CFAP46: variants seen among roughly 807,000 people sequenced by gnomAD.
CFAP46 encodes the protein cilia- and flagella-associated protein 46.
Under a neutral mutation model 325.7 loss-of-function variants are expected in CFAP46, and 245 were observed. That is an observed-to-expected ratio of 0.75 (90% CI 0.68 to 0.84). The LOEUF (loss-of-function observed/expected upper bound fraction) is 0.84, where lower values mean the gene tolerates loss of function less well. CFAP46 is among the 40% of genes least tolerant of loss of function. The pLI, the probability that CFAP46 is intolerant of heterozygous loss-of-function variation, is 0.00. For synonymous variants in CFAP46, 1,523 were observed against 1,495.9 expected, an observed-to-expected ratio of 1.02 and a Z score of -0.42; for missense variants, 3,346 against 3,543.0, an observed-to-expected ratio of 0.94 and a Z score of 1.41.
rs1269644817 is a variant in CFAP46, at chr10:132,832,274, G to C, written c.7117+1084C>G. On this transcript the variant is annotated intron_variant, in intron 50 of 57. Coordinates refer to ENST00000368586, the MANE Select transcript of CFAP46 (RefSeq NM_001200049.3). This position sits in a 1 kb window ranked among gnomAD's most constrained non-coding sequence, Gnocchi z 4.1. ...TGAGGGCTCTGCAGATCTCGGAGTG[G>C]CCGTTCCTTGCAGCTCTCTCCTTCC... Among the ~76,000 whole-genome samples the C allele has an allele frequency of 6.6e-6, 1 of 152,004 alleles. No individual in the cohort carries two copies. The highest frequency in any genetic ancestry group is 1.5e-5 in the Non-Finnish European group (1 of 68,000).
chr10:132,863,726 C>A (rs1296734087), intron 35 of CFAP46, among the ~76,000 whole-genome samples: 2 of 150,506 alleles, frequency 1.3e-5, no homozygotes, highest in East Asian at 3.9e-4. Context: ...CCTGCACTCA[C>A]CTGTCCCCCT....
intron 17 of CFAP46, among the ~76,000 whole-genome samples, 172 bp downstream of exon 17, chr10:132,916,376 AT>A (rs1442641845): frequency 6.6e-6 from 1 of 152,048 alleles, no homozygotes; most frequent in Non-Finnish European, 1.5e-5. Flanking sequence ...ACGTCACCCC[AT>A]TTTCTCTTTC....
intron 13 of CFAP46, among the ~76,000 whole-genome samples, chr10:132,920,984 A>G (rs1487128539): frequency 6.6e-6 from 1 of 152,198 alleles, no homozygotes; most frequent in Non-Finnish European, 1.5e-5. Context: ...ATTAGGGCAA[A>G]ATGAAAGCAC....
chr10:132,937,430 G>A (rs1244741620), intron 6 of CFAP46, 122 bp downstream of exon 6: 1 of 1,116,868 alleles, frequency 9.0e-7, no homozygotes, highest in South Asian at 1.4e-5. Context: ...TTTTGTTCAT[G>A]TATGTATGCA....
chr10:132,879,731 G>T, intron 28 of CFAP46, 100 bp from the exon 29 acceptor site: 2 of 1,226,260 alleles, frequency 1.6e-6, no homozygotes, highest in Non-Finnish European at 2.2e-6. Flanking sequence ...GGACTGCCCG[G>T]TGCCTCGCGG....
chr10:132,867,611 C>A, intron 33 of CFAP46, 104 bp from the exon 34 acceptor site: 2 of 1,373,098 alleles, frequency 1.5e-6, no homozygotes, highest in South Asian at 1.4e-5. Context: ...CAATTACATT[C>A]TTCACGCGCG....
intron 17 of CFAP46, among the ~76,000 whole-genome samples, chr10:132,914,121 A>AGCT (rs1591088232): frequency 2.8e-5 from 1 of 36,312 alleles, no homozygotes; most frequent in Non-Finnish European, 5.0e-5. Flanking sequence ...GCCACACTGC[A>AGCT]CCCCGCCCCG....
Position 132,922,194 on chromosome 10 carries a change from T to C in CFAP46, c.1516A>G (p.Arg506Gly), listed in dbSNP as rs1849734537. 6.4e-7 allele frequency: 1 copy of C among 1,550,522 alleles called. No homozygotes were observed. The highest frequency in any genetic ancestry group is 8.7e-7 in the Non-Finnish European group (1 of 1,146,922). Residue 506 changes from arginine (R) to glycine (G), a missense_variant, in exon 13 of 58, where the codon AGG becomes GGG. Transcript: ENST00000368586. ...TTCACCAGGAGGGCCCGCTTCTTCCTGACGCTGTCCTTTGGTGTAGCTTTT... is the reference window on the plus strand; with the variant it reads ...TTCACCAGGAGGGCCCGCTTCTTCCCGACGCTGTCCTTTGGTGTAGCTTTT... ...AKKATPKDSV[R>G]KKRALLVNAG...
intron 35 of CFAP46, among the ~76,000 whole-genome samples, chr10:132,865,424 G>A (rs1345610950): frequency 6.6e-6 from 1 of 150,726 alleles, no homozygotes; most frequent in Non-Finnish European, 1.5e-5. Flanking sequence ...GCTGTCAGCT[G>A]GGCTTGGCTG....
chr10:132,857,011 C>T lies in CFAP46; in HGVS notation c.5574+579G>A, dbSNP rs560106467. On this transcript the variant is annotated intron_variant, in intron 39 of 57. Transcript: ENST00000368586. Reference sequence around the variant, plus strand: ...GGGGCTCACCCAGGCCTAATGACCCCCGACTGAGGCAAGGCCCTGTGTCTG... The same window carrying T: ...GGGGCTCACCCAGGCCTAATGACCCTCGACTGAGGCAAGGCCCTGTGTCTG... Among the ~76,000 whole-genome samples the T allele has an allele frequency of 1.1e-4, 16 of 152,344 alleles. No individual in the cohort carries two copies. In the South Asian group the frequency reaches 3.3e-3, roughly 32 times the overall value.
chr10:132,846,987 TCCA>T lies in CFAP46; in HGVS notation c.6209_6211del (p.Val2070del). On this transcript the variant is annotated inframe_deletion, in exon 43 of 58. Coordinates refer to ENST00000368586, the MANE Select transcript of CFAP46 (RefSeq NM_001200049.3). ...TGCAGGGTCCAGGGTGCCGACACACTCCACCATCTCCAGGCTGGCGGCTGCTGC... is the reference window on the plus strand; with the variant it reads ...TGCAGGGTCCAGGGTGCCGACACACTCCATCTCCAGGCTGGCGGCTGCTGC... 6.2e-7 allele frequency: 1 copy of T among 1,610,942 alleles called. No individual in the cohort carries two copies. The highest frequency in any genetic ancestry group is 1.1e-5 in the South Asian group (1 of 90,896).
At chr10:132,907,975 C>T (rs190490105) in intron 22 of CFAP46, among the ~76,000 whole-genome samples, 74 of 152,372 alleles carry the variant, frequency 4.9e-4, no homozygotes, top group African/African-American at 1.5e-3. Flanking sequence ...GGGAGCCCCC[C>T]GGTCTGTGGC....
intron 26 of CFAP46, 125 bp from the exon 27 acceptor site, chr10:132,885,411 G>A (rs1467002050): frequency 1.0e-6 from 1 of 987,548 alleles, no homozygotes; most frequent in Non-Finnish European, 1.5e-6. Context: ...CAGAGCCCAG[G>A]TGAGCGGGGG....
chr10:132,934,628 A>G (rs1025919507), intron 8 of CFAP46, 124 bp downstream of exon 8: 2 of 661,968 alleles, frequency 3.0e-6, no homozygotes, highest in East Asian at 2.6e-5. Context: ...AAACCTCCAC[A>G]ATGGCTGGCT....
rs1849138957 is a variant in CFAP46 at position 132,886,833 on chromosome 10, T to C, written c.3305-874A>G. 6.6e-6 allele frequency among the ~76,000 whole-genome samples: 1 copy of C among 151,934 alleles called. No homozygotes were observed. Among genetic ancestry groups the C allele is most frequent in the African/African-American group, 2.4e-5 (1 of 41,322 alleles). On this transcript the variant is annotated intron_variant, in intron 25 of 57. Transcript: ENST00000368586. This position sits in a 1 kb window ranked among gnomAD's most constrained non-coding sequence, Gnocchi z 5.8. ...GAGTGGCGGGTCTGTGCCTTGTTGC[T>C]GCCCCCGACCCAACACAGCCATGGC...
Position 132,876,886 on chromosome 10 carries a change from G to A in CFAP46, c.4288C>T (p.Pro1430Ser). The A allele has an allele frequency of 6.4e-7, 1 of 1,550,536 alleles. No individual in the cohort carries two copies. The highest frequency in any genetic ancestry group is 8.7e-7 in the Non-Finnish European group (1 of 1,146,972). ...TTCAGTACAGACAGCACTTCCTCGG[G>A]GCAGGAGTAGGAAGCCCACTCTTCT... Reference protein sequence around the residue: ...SIEEWASYSCPEEVLSVLKQD... With the variant: ...SIEEWASYSCSEEVLSVLKQD... The change falls in exon 31 of 58, where the codon CCC becomes TCC. Residue 1430 changes from proline to serine, a missense_variant. Physicochemically the swap from Pro to Ser is moderately conservative, Grantham distance 74. Coordinates refer to ENST00000368586, the MANE Select transcript of CFAP46 (RefSeq NM_001200049.3). This position sits in a 1 kb window ranked among gnomAD's most constrained non-coding sequence, Gnocchi z 4.1.
At chr10:132,907,394 T>C (rs1342628595) in intron 22 of CFAP46, among the ~76,000 whole-genome samples, 2 of 152,078 alleles carry the variant, frequency 1.3e-5, no homozygotes, top group Non-Finnish European at 2.9e-5. Flanking sequence ...CCACTAAAAG[T>C]GAGATCCGTG....
At chr10:132,913,712 C>A (rs1849591204) in intron 17 of CFAP46, among the ~76,000 whole-genome samples, 1 of 152,190 alleles carries the variant, frequency 6.6e-6, no homozygotes, top group Admixed American at 6.5e-5. Context: ...CCCGCCCTCG[C>A]TAAAGAGAGT....
At chr10:132,866,483 T>C (rs952990666) in intron 34 of CFAP46, among the ~76,000 whole-genome samples, 5 of 152,182 alleles carry the variant, frequency 3.3e-5, no homozygotes, top group African/African-American at 4.8e-5. Flanking sequence ...CACACACACA[T>C]TGGGGTGTAG....
Sources: allele counts gnomAD v4.1 joint callset (sites outside exome capture counted in the v4.1 genomes callset), GRCh38; gene constraint gnomAD v4.1.1; non-coding constraint Gnocchi (gnomAD v3.1); transcripts MANE v1.5; gene names NCBI Gene and HGNC (gene_info 2026-07-23, HGNC 2026-07-21).